TEK: variants seen among roughly 807,000 people sequenced by gnomAD.
TEK encodes TEK receptor tyrosine kinase.
TEK carries 43 observed loss-of-function variants against 131.8 expected under a neutral mutation model. That is an observed-to-expected ratio of 0.33 (90% CI 0.26 to 0.42). The LOEUF is 0.42. Ranked by LOEUF, TEK falls within the 10% of genes least tolerant of loss-of-function variation. TEK has a pLI of 1.00. For missense variants in TEK, 1,162 were observed against 1,384.4 expected, an observed-to-expected ratio of 0.84 and a Z score of 2.55; for synonymous variants, 580 against 491.6, an observed-to-expected ratio of 1.18 and a Z score of -2.38.
chr9:27,187,751 T>C (rs1008018581), intron 9 of TEK, among the ~76,000 whole-genome samples: 5 of 152,130 alleles, frequency 3.3e-5, no homozygotes, highest in African/African-American at 1.2e-4. Context: ...TCTCCTTGGC[T>C]TGTAGATGGC....
At position 27,180,385 on chromosome 9, in the gene TEK, C is replaced by CCA. The variant is rs770164895; in HGVS notation, c.1030+17_1030+18insCA. ...AGAGAGAAGGTAAAGCAAGGTAACA[C>CCA]TGTAGTCAGGGCCATGTTCAGCATG... On this transcript the variant is annotated intron_variant, in intron 7 of 22. Transcript: ENST00000380036. 1.9e-6 allele frequency: 3 copies of CCA among 1,609,854 alleles called. No individual in the cohort carries two copies. Among genetic ancestry groups the CCA allele is most frequent in the Non-Finnish European group, 2.5e-6 (3 of 1,177,846 alleles).
chr9:27,212,928 T>C, intron 17 of TEK, 31 bp downstream of exon 17: 1 of 1,609,048 alleles, frequency 6.2e-7, no homozygotes, highest in South Asian at 1.1e-5. Context: ...TTTGGATATC[T>C]TTCCTGTGGA....
chr9:27,127,692 C>T (rs145612816), intron 1 of TEK, among the ~76,000 whole-genome samples: 4 of 152,192 alleles, frequency 2.6e-5, no homozygotes, highest in South Asian at 2.1e-4. Flanking sequence ...GAGATGGTAT[C>T]TCATTGTGGT....
intron 1 of TEK, among the ~76,000 whole-genome samples, chr9:27,148,148 T>G (rs1354827924): frequency 6.6e-6 from 1 of 152,244 alleles, no homozygotes; most frequent in Non-Finnish European, 1.5e-5. Context: ...TTGTAGATAT[T>G]GCGAGCACGT....
Position 27,168,476 on chromosome 9 carries a change from GTT to G in TEK, c.365-16_365-15del, listed in dbSNP as rs747559187. 5 of 1,596,356 alleles carry G rather than the reference GTT, an allele frequency of 3.1e-6. No homozygotes were observed. The East Asian group carries it at 1.1e-4, about 36-fold the overall frequency. On this transcript the variant is annotated splice_polypyrimidine_tract_variant and intron_variant, in intron 2 of 22. Coordinates refer to ENST00000380036, the MANE Select transcript of TEK (RefSeq NM_000459.5). ...ATGTGTGATCCCATTTTTGGTATTT[GTT>G]TTCTCTCTTTTAAAAGCTTCCTTCC...
chr9:27,170,602 T>TCAAAAACAAAAA (rs56132806), intron 4 of TEK, among the ~76,000 whole-genome samples: 8 of 150,648 alleles, frequency 5.3e-5, no homozygotes, highest in South Asian at 2.1e-4. Context: ...AGACCTTGTC[T>TCAAAAACAAAAA]CAAAAACAAA....
At chr9:27,123,493 A>T (rs1317059027) in intron 1 of TEK, among the ~76,000 whole-genome samples, 1 of 152,192 alleles carries the variant, frequency 6.6e-6, no homozygotes, top group Non-Finnish European at 1.5e-5. Flanking sequence ...AGGTATTTTC[A>T]TGGAGAGGCC....
At chr9:27,174,338 AG>A (rs1425652442) in intron 6 of TEK, among the ~76,000 whole-genome samples, 1 of 152,234 alleles carries the variant, frequency 6.6e-6, no homozygotes. Context: ...ACAATGCTCC[AG>A]GGCAGAGCAG....
chr9:27,113,470 C>G (rs1245203370), intron 1 of TEK, among the ~76,000 whole-genome samples: 1 of 152,110 alleles, frequency 6.6e-6, no homozygotes, highest in South Asian at 2.1e-4. Flanking sequence ...TGCCCGTAGT[C>G]CTAGCTACTC....
chr9:27,153,647 G>A (rs999730192), intron 1 of TEK, among the ~76,000 whole-genome samples: 22 of 152,130 alleles, frequency 1.4e-4, no homozygotes, highest in Non-Finnish European at 1.8e-4. Flanking sequence ...CTCACTATCC[G>A]TCCCCAACAT....
At chr9:27,173,090 A>G in intron 5 of TEK, 132 bp from the exon 6 acceptor site, 2 of 1,234,642 alleles carry the variant, frequency 1.6e-6, no homozygotes, top group Non-Finnish European at 2.3e-6. Context: ...GGGTATGTTC[A>G]TCCTACCATG....
rs770991197 is a variant in TEK at position 27,212,816 on chromosome 9, C to T, written c.2796C>T (p.Thr932=). The change falls in exon 17 of 23, where the codon ACC becomes ACT. Residue 932 remains threonine (T), a synonymous_variant. Transcript: ENST00000380036. ...CAGCATTTGCCATTGCCAATAGCAC[C>T]GCGTCCACACTGTCCTCCCAGCAGC... ...TDPAFAIANS[T]ASTLSSQQLL... is the part of the protein sequence containing the mutation. The T allele has an allele frequency of 9.3e-6, 15 of 1,614,020 alleles. No individual in the cohort carries two copies. Among genetic ancestry groups the T allele is most frequent in the Middle Eastern group, 3.3e-4 (2 of 6,062 alleles).
At chr9:27,218,578 G>A (rs146755243) in intron 19 of TEK, among the ~76,000 whole-genome samples, 199 bp from the exon 20 acceptor site, 20 of 152,290 alleles carry the variant, frequency 1.3e-4, no homozygotes, top group Non-Finnish European at 2.8e-4. Context: ...CTGGCAAAGT[G>A]AACACTGTTT....
chr9:27,167,917 A>G (rs1425229827), intron 2 of TEK, among the ~76,000 whole-genome samples: 1 of 151,908 alleles, frequency 6.6e-6, no homozygotes, highest in Non-Finnish European at 1.5e-5. Context: ...GCAGATTCAT[A>G]GTTAATATAG....
chr9:27,148,366 A>T (rs1823001388), intron 1 of TEK, among the ~76,000 whole-genome samples: 1 of 152,232 alleles, frequency 6.6e-6, no homozygotes, highest in African/African-American at 2.4e-5. Context: ...TCAGCTTTTG[A>T]TGAGTAACAA....
In TEK at chr9:27,220,081, G is replaced by A. The variant is rs748239410; in HGVS notation, c.3136G>A (p.Glu1046Lys). The A allele has an allele frequency of 6.2e-7, 1 of 1,614,092 alleles. No homozygotes were observed. The highest frequency in any genetic ancestry group is 8.5e-7 in the Non-Finnish European group (1 of 1,179,990). Residue 1046 changes from glutamate to lysine, a missense_variant, in exon 21 of 23, where the codon GAA becomes AAA. Transcript: ENST00000380036. ...GTPYCGMTCA[E>K]LYEKLPQGYR... ...ACCCTACTGCGGGATGACTTGTGCA[G>A]AACTCTACGAGAAGCTGCCCCAGGG...
intron 21 of TEK, among the ~76,000 whole-genome samples, chr9:27,225,054 T>TG (rs1826257925): frequency 6.6e-6 from 1 of 152,126 alleles, no homozygotes; most frequent in African/African-American, 2.4e-5. Context: ...TTACAAGGGA[T>TG]GTGAAGGACC....
chr9:27,190,733 C>A lies in TEK; in HGVS notation c.1489+43C>A, dbSNP rs772814178. The A allele has an allele frequency of 2.5e-6, 4 of 1,610,692 alleles. No individual in the cohort carries two copies. The East Asian group carries it at 6.7e-5, about 27-fold the overall frequency. On this transcript the variant is annotated intron_variant, in intron 10 of 22. Transcript: ENST00000380036. ...TAGATGCCAGCTGGGGATGTGGCAC[C>A]AGGAGAATTATTTTTCTCCAAATCT...
chr9:27,150,551 C>T (rs988969180), intron 1 of TEK, among the ~76,000 whole-genome samples: 1 of 152,068 alleles, frequency 6.6e-6, no homozygotes. Context: ...TTCGAGGCTG[C>T]AGTGAGCAGT....
Sources: gnomAD v4.1 joint callset for allele counts (sites outside exome capture counted in the v4.1 genomes callset) on GRCh38, gnomAD v4.1.1 for gene constraint, MANE v1.5 for transcripts, NCBI Gene and HGNC (gene_info 2026-07-23, HGNC 2026-07-21) for gene names.